MGAT4C: variants seen among roughly 807,000 people sequenced by gnomAD.
MGAT4C encodes alpha-1,3-mannosyl-glycoprotein 4-beta-N-acetylglucosaminyltransferase C.
A neutral mutation model predicts 40.1 loss-of-function variants in MGAT4C; 19 were observed. The observed-to-expected ratio is 0.47, with a 90% CI of 0.33 to 0.70. The LOEUF is 0.70. Among genes scored for constraint, MGAT4C ranks in the 30% least tolerant of loss-of-function variants. The pLI is 0.02. For missense variants in MGAT4C, 491 were observed against 563.2 expected (o/e 0.87, Z 1.30); for synonymous variants, 181 against 187.1 (o/e 0.97, Z 0.27).
chr12:86,194,721 C>T (rs566766911), intron 1 of MGAT4C, among the ~76,000 whole-genome samples: 12 of 151,964 alleles, frequency 7.9e-5, no homozygotes, highest in Non-Finnish European at 1.5e-4. Context: ...GCCTCAGCTT[C>T]CCAAAGTGCT....
chr12:86,038,671 G>C (rs1032339287), intron 2 of MGAT4C, among the ~76,000 whole-genome samples: 1 of 149,476 alleles, frequency 6.7e-6, no homozygotes, highest in Non-Finnish European at 1.5e-5. Flanking sequence ...CACACCGATG[G>C]GTCTTGACTC....
At chr12:86,806,911 C>T (rs982160400) in intron 1 of MGAT4C, among the ~76,000 whole-genome samples, 8 of 151,568 alleles carry the variant, frequency 5.3e-5, no homozygotes, top group Non-Finnish European at 1.0e-4. Context: ...ATGTGAATAA[C>T]GAGTTAATGG....
At chr12:86,697,147 T>C (rs570457675) in intron 2 of MGAT4C, among the ~76,000 whole-genome samples, 3 of 152,288 alleles carry the variant, frequency 2.0e-5, no homozygotes, top group South Asian at 2.1e-4. Flanking sequence ...ACATAGGTGA[T>C]TGGTAATCCA....
Position 86,072,730 on chromosome 12 carries a change from C to G in MGAT4C, c.-56-23007G>C, listed in dbSNP as rs111239372. On this transcript the variant is annotated intron_variant, in intron 1 of 4. Coordinates refer to ENST00000611864, the MANE Select transcript of MGAT4C (RefSeq NM_001351288.2). ...GAGGGAGAGAAATTTCCAGATTGAA[C>G]AAAAGAAATACGCAACAGAATATAA... Among the ~76,000 whole-genome samples the G allele has an allele frequency of 3.6e-3, 543 of 152,090 alleles. 3 individuals carry two copies. The highest frequency in any genetic ancestry group is 0.013 in the African/African-American group (520 of 41,506).
intron 2 of MGAT4C, among the ~76,000 whole-genome samples, chr12:86,455,816 G>T: frequency 6.6e-6 from 1 of 151,960 alleles, no homozygotes; most frequent in South Asian, 2.1e-4. Flanking sequence ...AAACAGCCAG[G>T]TGTGTTCCTA....
chr12:86,633,913 G>T (rs925173408), intron 2 of MGAT4C, among the ~76,000 whole-genome samples: 29 of 148,440 alleles, frequency 2.0e-4, no homozygotes, highest in African/African-American at 7.2e-4. Flanking sequence ...TTTTGCTCGA[G>T]TTTTTTTTTT....
intron 4 of MGAT4C, among the ~76,000 whole-genome samples, chr12:85,982,447 C>T (rs1884710273): frequency 6.6e-6 from 1 of 151,786 alleles, no homozygotes; most frequent in African/African-American, 2.4e-5. Flanking sequence ...CCTTGGCCTC[C>T]CAAAGTGCTG....
intron 1 of MGAT4C, among the ~76,000 whole-genome samples, chr12:86,174,479 T>C (rs1267943295): frequency 3.3e-5 from 5 of 152,176 alleles, no homozygotes; most frequent in African/African-American, 1.2e-4. Flanking sequence ...AATGTGATAA[T>C]GCATATGGCA....
intron 3 of MGAT4C, among the ~76,000 whole-genome samples, chr12:86,401,186 A>C (rs1956354247): frequency 6.6e-6 from 1 of 151,740 alleles, no homozygotes; most frequent in Non-Finnish European, 1.5e-5. Flanking sequence ...TGTAAAATTC[A>C]GTTCATATAA....
At chr12:86,130,530 A>G (rs1881022268) in intron 1 of MGAT4C, among the ~76,000 whole-genome samples, 1 of 152,110 alleles carries the variant, frequency 6.6e-6, no homozygotes. Flanking sequence ...CTTGAACATG[A>G]TATCTGAATA....
chr12:86,099,197 C>G (rs1288085078), intron 1 of MGAT4C, among the ~76,000 whole-genome samples: 2 of 151,204 alleles, frequency 1.3e-5, no homozygotes, highest in Non-Finnish European at 3.0e-5. Flanking sequence ...TACAACTTTC[C>G]AAATTCCACC....
intron 3 of MGAT4C, among the ~76,000 whole-genome samples, chr12:86,370,145 C>T (rs1470198194): frequency 1.3e-5 from 2 of 151,878 alleles, no homozygotes; most frequent in African/African-American, 2.4e-5. Flanking sequence ...AGCCTTAGTA[C>T]CAACTTTGTA....
At chr12:86,394,601 T>A (rs1220561030) in intron 3 of MGAT4C, among the ~76,000 whole-genome samples, 1 of 133,640 alleles carries the variant, frequency 7.5e-6, no homozygotes, top group African/African-American at 2.6e-5. Flanking sequence ...TTTATATATT[T>A]TATATATATA....
intron 2 of MGAT4C, among the ~76,000 whole-genome samples, chr12:86,506,266 C>T (rs1958471288): frequency 6.6e-6 from 1 of 152,158 alleles, no homozygotes; most frequent in Non-Finnish European, 1.5e-5. Context: ...GTGCTATCCC[C>T]AGCTGATACA....
At chr12:86,131,712 A>G (rs752819398) in intron 1 of MGAT4C, among the ~76,000 whole-genome samples, 122 of 147,364 alleles carry the variant, frequency 8.3e-4, no homozygotes, top group Non-Finnish European at 1.5e-3. Flanking sequence ...AGATAGTAGT[A>G]TCAAAGTAAG....
intron 1 of MGAT4C, among the ~76,000 whole-genome samples, chr12:86,069,073 C>A (rs148447225): frequency 1.3e-5 from 2 of 152,092 alleles, no homozygotes; most frequent in Non-Finnish European, 2.9e-5. Flanking sequence ...CCTGCTGCTG[C>A]GGTGCCCTCA....
At chr12:86,515,155 C>T (rs1421369417) in intron 2 of MGAT4C, among the ~76,000 whole-genome samples, 2 of 152,146 alleles carry the variant, frequency 1.3e-5, no homozygotes, top group Non-Finnish European at 2.9e-5. Context: ...CTCATAAAGG[C>T]TGTCTACAAA....
intron 1 of MGAT4C, among the ~76,000 whole-genome samples, chr12:86,732,828 CAAAA>C (rs5799792): frequency 2.9e-4 from 22 of 75,784 alleles, no homozygotes; most frequent in Admixed American, 4.3e-4. Flanking sequence ...TTTTCTCCAG[CAAAA>C]AAAAAAAAAA....
intron 2 of MGAT4C, among the ~76,000 whole-genome samples, chr12:86,018,180 C>T (rs1320304597): frequency 1.3e-5 from 2 of 151,976 alleles, no homozygotes; most frequent in African/African-American, 4.8e-5. Flanking sequence ...ATTCTGTGGC[C>T]CTAAGTAGAG....
Sources: allele counts gnomAD v4.1 joint callset (sites outside exome capture counted in the v4.1 genomes callset), GRCh38; gene constraint gnomAD v4.1.1; transcripts MANE v1.5; gene names NCBI Gene and HGNC (gene_info 2026-07-23, HGNC 2026-07-21).